The following CHD6 variants were observed in gnomAD, a reference collection of about 807,000 sequenced individuals.
CHD6 encodes chromodomain helicase DNA binding protein 6.
Under a neutral mutation model 276.9 loss-of-function variants are expected in CHD6, and 50 were observed. The observed-to-expected ratio is 0.18, with a 90% CI of 0.14 to 0.23. CHD6 has a LOEUF of 0.23. Among genes scored for constraint, CHD6 ranks in the 10% least tolerant of loss-of-function variants. CHD6 has a pLI of 1.00. For missense variants in CHD6, 2,564 were observed against 3,365.8 expected (o/e 0.76, Z 5.89); for synonymous variants, 1,173 against 1,229.3 (o/e 0.95, Z 0.96).
At chr20:41,561,314 T>C (rs1029135994) in intron 1 of CHD6, among the ~76,000 whole-genome samples, 1 of 152,218 alleles carries the variant, frequency 6.6e-6, no homozygotes, top group Non-Finnish European at 1.5e-5. Context: ...TGCTGAAACT[T>C]TGTGTCATTT....
intron 24 of CHD6, among the ~76,000 whole-genome samples, 170 bp downstream of exon 24, chr20:41,447,711 GA>G (rs1210658575): frequency 6.6e-6 from 1 of 152,192 alleles, no homozygotes; most frequent in Non-Finnish European, 1.5e-5. Context: ...TAGATGACCT[GA>G]TGAATTGTCC....
chr20:41,505,357 T>G (rs1476401982), intron 5 of CHD6, among the ~76,000 whole-genome samples: 2 of 152,150 alleles, frequency 1.3e-5, no homozygotes, highest in Non-Finnish European at 2.9e-5. Context: ...GGAAATCCCC[T>G]TGCTTTGGGG....
At chr20:41,563,890 G>C (rs1183041464) in intron 1 of CHD6, 5 of 590,822 alleles carry the variant, frequency 8.5e-6, no homozygotes, top group African/African-American at 5.6e-5. Context: ...TAATCTTATG[G>C]GGGAAGACAA....
At chr20:41,593,280 G>A (rs1372708127) in intron 1 of CHD6, among the ~76,000 whole-genome samples, 1 of 151,554 alleles carries the variant, frequency 6.6e-6, no homozygotes, top group Non-Finnish European at 1.5e-5. Flanking sequence ...TAAAAGTTAT[G>A]AAATTATCTC....
intron 2 of CHD6, among the ~76,000 whole-genome samples, chr20:41,545,814 T>C (rs184680554): frequency 2.6e-5 from 4 of 152,172 alleles, no homozygotes; most frequent in Admixed American, 2.6e-4. Flanking sequence ...CCACCTATAT[T>C]ACTCTCTTCC....
At chr20:41,491,921 G>C in intron 10 of CHD6, 102 bp from the exon 11 acceptor site, 1 of 1,297,106 alleles carries the variant, frequency 7.7e-7, no homozygotes, top group Non-Finnish European at 1.1e-6. Flanking sequence ...TCCCAAGGCT[G>C]GTTTCAAACT....
intron 1 of CHD6, among the ~76,000 whole-genome samples, chr20:41,551,697 G>T (rs2045149386): frequency 6.6e-6 from 1 of 152,172 alleles, no homozygotes; most frequent in South Asian, 2.1e-4. Context: ...TAGGAGATGG[G>T]AAGGAAGTAA....
intron 1 of CHD6, among the ~76,000 whole-genome samples, chr20:41,591,915 C>G (rs1036761878): frequency 6.6e-6 from 1 of 152,068 alleles, no homozygotes; most frequent in African/African-American, 2.4e-5. Flanking sequence ...CTGGCTAAGA[C>G]AGTGAAACCC....
chr20:41,408,284 G>C (rs1186088040), intron 36 of CHD6, among the ~76,000 whole-genome samples: 3 of 152,110 alleles, frequency 2.0e-5, no homozygotes, highest in Non-Finnish European at 4.4e-5. Context: ...CACAGGCCCT[G>C]TGGTTCCCAG....
chr20:41,514,703 G>GC, intron 4 of CHD6, 102 bp downstream of exon 4: 1 of 1,335,834 alleles, frequency 7.5e-7, no homozygotes. Context: ...CCAGGGCTAG[G>GC]GAGTGTGCTA....
Position 41,498,176 on chromosome 20 carries a change from A to G in CHD6, c.966T>C (p.Tyr322=), listed in dbSNP as rs1207771625. ...PFDLELFYVK[Y]RNFSYLHCKW... ...ACTTTAAATAGACGTACAAATTTCT[A>G]TACTTAACGTAGAACAGCTCCAAGT... is the stretch of plus-strand genomic sequence containing the variant. Residue 322 remains tyrosine, a synonymous_variant, in exon 7 of 37, where the codon TAT becomes TAC. Coordinates refer to ENST00000373233, the MANE Select transcript of CHD6 (RefSeq NM_032221.5). 2 of 1,607,544 alleles carry G rather than the reference A, an allele frequency of 1.2e-6. No homozygotes were observed. Among genetic ancestry groups the G allele is most frequent in the Admixed American group, 1.7e-5 (1 of 58,870 alleles).
chr20:41,565,658 T>TAATTAGATGTACAAA (rs1436920329), intron 1 of CHD6, among the ~76,000 whole-genome samples: 2 of 152,158 alleles, frequency 1.3e-5, no homozygotes, highest in African/African-American at 4.8e-5. Flanking sequence ...CGAAGTACAA[T>TAATTAGATGTACAAA]AATTAGATTT....
intron 1 of CHD6, among the ~76,000 whole-genome samples, chr20:41,560,962 C>T (rs1340036047): frequency 6.6e-6 from 1 of 152,052 alleles, no homozygotes; most frequent in Non-Finnish European, 1.5e-5. Context: ...ATGGTTATTA[C>T]TGCTATTAGA....
At position 41,438,843 on chromosome 20, in the gene CHD6, C is replaced by A. The variant is rs73907163; in HGVS notation, c.4007+1157G>T. Among the ~76,000 whole-genome samples, 1,149 of 152,260 alleles carry A rather than the reference C, an allele frequency of 7.5e-3. 10 individuals carry two copies. Among genetic ancestry groups the A allele is most frequent in the African/African-American group, 0.026 (1,090 of 41,526 alleles). On this transcript the variant is annotated intron_variant, in intron 26 of 36. Transcript: ENST00000373233. The stretch of plus-strand genomic sequence containing the variant: ...GCCTCTGTTAACATCTCCCAGAATG[C>A]ATCTCGGTTATCTGTCCTCAAGAAA...
chr20:41,562,112 C>A (rs6072422), intron 1 of CHD6, among the ~76,000 whole-genome samples: 18,272 of 147,702 alleles, frequency 0.12, 1,278 homozygotes, highest in South Asian at 0.17. Flanking sequence ...TACAACAAAA[C>A]AAAAAAAAAA....
At chr20:41,586,693 G>T (rs1314201875) in intron 1 of CHD6, among the ~76,000 whole-genome samples, 1 of 152,108 alleles carries the variant, frequency 6.6e-6, no homozygotes, top group Non-Finnish European at 1.5e-5. Context: ...AAAAACATCA[G>T]TCAATATAAT....
chr20:41,558,576 C>T (rs902115812), intron 1 of CHD6, among the ~76,000 whole-genome samples: 1 of 152,204 alleles, frequency 6.6e-6, no homozygotes, highest in Non-Finnish European at 1.5e-5. Flanking sequence ...AAAAAGGGTG[C>T]CAAGTTTCAA....
At chr20:41,457,230 C>T in intron 18 of CHD6, 34 bp downstream of exon 18, 7 of 1,598,120 alleles carry the variant, frequency 4.4e-6, no homozygotes, top group Non-Finnish European at 6.0e-6. Flanking sequence ...GACCAATGTT[C>T]CTTAAGACTC....
chr20:41,599,644 AG>A (rs1453283960), intron 1 of CHD6, among the ~76,000 whole-genome samples: 2 of 152,208 alleles, frequency 1.3e-5, no homozygotes, highest in Non-Finnish European at 2.9e-5. Flanking sequence ...AAATTTGAAG[AG>A]GAAGAACTAT....
Sources: gnomAD v4.1 joint callset for allele counts (sites outside exome capture counted in the v4.1 genomes callset) on GRCh38, gnomAD v4.1.1 for gene constraint, MANE v1.5 for transcripts, NCBI Gene and HGNC (gene_info 2026-07-23, HGNC 2026-07-21) for gene names.